CDH4: variants seen among roughly 807,000 people sequenced by gnomAD.
CDH4 encodes cadherin 4, also known as cadherin-4.
In CDH4, 33 loss-of-function variants were observed where a neutral mutation model predicts 86.0. That is an observed-to-expected ratio of 0.38 (90% confidence interval 0.29 to 0.51). CDH4 has a LOEUF of 0.51. CDH4 is among the 20% of genes least tolerant of loss of function. The pLI, the probability that CDH4 is intolerant of heterozygous loss-of-function variation, is 0.86. For missense variants in CDH4, 1,114 were observed against 1,307.4 expected (o/e 0.85, Z 2.28); for synonymous variants, 555 against 549.4 (o/e 1.01, Z -0.14).
chr20:61,792,985 C>T lies in CDH4; in HGVS notation c.576+19803C>T, dbSNP rs566398878. 1.3e-4 allele frequency among the ~76,000 whole-genome samples: 16 copies of T among 127,370 alleles called. No individual in the cohort carries two copies. In the South Asian group the frequency reaches 3.1e-3, roughly 25 times the overall value. 83.6% of individuals were successfully genotyped at this position (127,370 alleles called of 152,430 possible). On this transcript the variant is annotated intron_variant, in intron 4 of 15. Transcript: ENST00000614565. Reference sequence around the variant, plus strand: ...TTTGTTTTTGTTTTTGTTTTTGAGACAGAGTTTCACTCTGTTGCCCAGGCT... The same window carrying T: ...TTTGTTTTTGTTTTTGTTTTTGAGATAGAGTTTCACTCTGTTGCCCAGGCT...
chr20:61,504,680 C>T (rs2085727914), intron 2 of CDH4, among the ~76,000 whole-genome samples: 1 of 152,250 alleles, frequency 6.6e-6, no homozygotes, highest in South Asian at 2.1e-4. Context: ...GCATGTCAGG[C>T]ACAATCTGGA....
intron 2 of CDH4, among the ~76,000 whole-genome samples, chr20:61,665,781 G>A (rs1333920429): frequency 6.6e-6 from 1 of 152,184 alleles, no homozygotes; most frequent in Non-Finnish European, 1.5e-5. Context: ...GTGTCTACAG[G>A]CAGGCTGGTG....
intron 2 of CDH4, among the ~76,000 whole-genome samples, chr20:61,568,991 T>C (rs73136653): frequency 0.058 from 8,839 of 152,164 alleles, 526 homozygotes; most frequent in African/African-American, 0.15. Flanking sequence ...AGCCCAAACC[T>C]GAAATCTGAA....
chr20:61,432,117 T>A (rs918442119), intron 2 of CDH4, among the ~76,000 whole-genome samples: 1 of 152,182 alleles, frequency 6.6e-6, no homozygotes, highest in Non-Finnish European at 1.5e-5. Flanking sequence ...CTTATATGAG[T>A]CCTTTATGGT....
intron 3 of CDH4, among the ~76,000 whole-genome samples, chr20:61,746,468 C>G (rs1247288391): frequency 1.3e-5 from 2 of 152,186 alleles, no homozygotes; most frequent in South Asian, 4.1e-4. Context: ...GCTGTTACAT[C>G]ATGGATGAGG....
chr20:61,695,659 G>A (rs572774181), intron 2 of CDH4, among the ~76,000 whole-genome samples: 3 of 152,338 alleles, frequency 2.0e-5, no homozygotes, highest in African/African-American at 7.2e-5. Flanking sequence ...CCTCCAGCAC[G>A]TCCCACAGGG....
intron 2 of CDH4, among the ~76,000 whole-genome samples, chr20:61,591,697 C>A (rs1382232071): frequency 6.6e-6 from 1 of 152,172 alleles, no homozygotes; most frequent in Non-Finnish European, 1.5e-5. Flanking sequence ...TTCTGCTAAA[C>A]CCTATTGGTT....
At chr20:61,565,088 GCTCT>G (rs2086256868) in intron 2 of CDH4, among the ~76,000 whole-genome samples, 17 of 89,930 alleles carry the variant, frequency 1.9e-4, no homozygotes, top group African/African-American at 6.8e-4. Flanking sequence ...TGGTGGTGGT[GCTCT>G]TGGTGGTGCT....
chr20:61,336,935 G>T (rs571833517), intron 2 of CDH4, among the ~76,000 whole-genome samples: 2 of 152,254 alleles, frequency 1.3e-5, no homozygotes, highest in East Asian at 3.9e-4. Context: ...GGTGGTCTGG[G>T]TGGGTGGGCA....
In CDH4 at chr20:61,810,472, A is replaced by T. The variant is rs917766357; in HGVS notation, c.577-34196A>T. Among the ~76,000 whole-genome samples, 4 of 152,122 alleles carry T rather than the reference A, an allele frequency of 2.6e-5. No individual in the cohort carries two copies. The highest frequency in any genetic ancestry group is 9.6e-5 in the African/African-American group (4 of 41,480). On this transcript the variant is annotated intron_variant, in intron 4 of 15. Transcript: ENST00000614565. This position sits in a 1 kb window ranked among gnomAD's most constrained non-coding sequence, Gnocchi z 4.3. ...GGTTCTCAGACCCAAGTTCTGACCC[A>T]CTCTGCTCACCCGCAGTGGGAAGGA...
At chr20:61,320,713 G>A (rs964617931) in intron 2 of CDH4, among the ~76,000 whole-genome samples, 3 of 151,886 alleles carry the variant, frequency 2.0e-5, no homozygotes, top group African/African-American at 4.8e-5. Flanking sequence ...TGCTGAGGTC[G>A]AGGAAGCCTG....
chr20:61,921,709 G>A (rs1009305056), intron 9 of CDH4, among the ~76,000 whole-genome samples: 3 of 116,948 alleles, frequency 2.6e-5, no homozygotes, highest in Non-Finnish European at 5.2e-5. Flanking sequence ...CCGAGATCAT[G>A]CCACTGCACT....
At chr20:61,595,353 G>A (rs560676282) in intron 2 of CDH4, among the ~76,000 whole-genome samples, 10 of 152,268 alleles carry the variant, frequency 6.6e-5, no homozygotes, top group Non-Finnish European at 1.2e-4. Flanking sequence ...CTGCTGCCCT[G>A]AGCAGATTCC....
chr20:61,558,937 A>G lies in CDH4; in HGVS notation c.170-184626A>G, dbSNP rs1422496509. Among the ~76,000 whole-genome samples the G allele has an allele frequency of 3.3e-5, 5 of 152,324 alleles. No individual in the cohort carries two copies. The East Asian group carries it at 7.7e-4, about 24-fold the overall frequency. On this transcript the variant is annotated intron_variant, in intron 2 of 15. Coordinates refer to ENST00000614565, the MANE Select transcript of CDH4 (RefSeq NM_001794.5). ...GCCCCAGCCTTGCGATCCCTCACTG[A>G]TGAATCACCAGCTGTGCTAAGTGGC...
chr20:61,891,284 C>T (rs1035784214), intron 7 of CDH4, among the ~76,000 whole-genome samples: 2 of 152,192 alleles, frequency 1.3e-5, no homozygotes, highest in African/African-American at 4.8e-5. Flanking sequence ...CAGCAGAACA[C>T]AGTCGTGTCC....
chr20:61,558,145 G>A (rs1333328476), intron 2 of CDH4, among the ~76,000 whole-genome samples: 2 of 152,038 alleles, frequency 1.3e-5, no homozygotes, highest in Non-Finnish European at 2.9e-5. Context: ...TGTGATTATT[G>A]GGTAATAATG....
intron 2 of CDH4, among the ~76,000 whole-genome samples, chr20:61,301,962 C>T (rs1296678749): frequency 3.9e-5 from 6 of 152,234 alleles, no homozygotes; most frequent in Admixed American, 2.0e-4. Context: ...CGCCATACTT[C>T]CGTTGCTGAC....
At position 61,873,792 on chromosome 20, in the gene CDH4, G is replaced by A. The variant is rs370652209; in HGVS notation, c.942G>A (p.Val314=). 11 of 1,614,078 alleles carry A rather than the reference G, an allele frequency of 6.8e-6. No individual in the cohort carries two copies. In the South Asian group the frequency reaches 9.9e-5, roughly 14 times the overall value. ...ADDSTTANGM[V]RYRIVTQTPQ... Reference sequence around the variant, plus strand: ...ACAGCACCACGGCCAACGGGATGGTGCGGTACCGGATCGTGACCCAGACCC... The same window carrying A: ...ACAGCACCACGGCCAACGGGATGGTACGGTACCGGATCGTGACCCAGACCC... The change falls in exon 7 of 16, where the codon GTG becomes GTA. Residue 314 remains valine (V), a synonymous_variant. Coordinates refer to ENST00000614565, the MANE Select transcript of CDH4 (RefSeq NM_001794.5).
At chr20:61,777,941 A>G (rs1365113397) in intron 4 of CDH4, among the ~76,000 whole-genome samples, 1 of 150,578 alleles carries the variant, frequency 6.6e-6, no homozygotes, top group South Asian at 2.1e-4. Flanking sequence ...CGTGCATACT[A>G]TACACACATG....
Sources: gnomAD v4.1 joint callset for allele counts (sites outside exome capture counted in the v4.1 genomes callset) on GRCh38, gnomAD v4.1.1 for gene constraint, Gnocchi (gnomAD v3.1) non-coding constraint, MANE v1.5 for transcripts, NCBI Gene and HGNC (gene_info 2026-07-23, HGNC 2026-07-21) for gene names.